Variants in CDH13 observed in about 807,000 individuals in gnomAD.
CDH13 encodes cadherin 13, also known as cadherin-13.
A neutral mutation model predicts 63.8 loss-of-function variants in CDH13; 24 were observed. The observed-to-expected ratio is 0.38, with a 90% CI of 0.27 to 0.53. The LOEUF (loss-of-function observed/expected upper bound fraction) is 0.53. Ranked by LOEUF, CDH13 falls within the 20% of genes least tolerant of loss-of-function variation. CDH13 has a pLI of 0.85. For synonymous variants in CDH13, 503 were observed against 355.3 expected, an observed-to-expected ratio of 1.42 and a Z score of -4.67; for missense variants, 1,049 against 903.1, an observed-to-expected ratio of 1.16 and a Z score of -2.07.
chr16:83,722,608 T>C (rs993994591), intron 10 of CDH13, among the ~76,000 whole-genome samples: 2 of 152,156 alleles, frequency 1.3e-5, no homozygotes, highest in African/African-American at 4.8e-5. Context: ...TAGCCAGAGG[T>C]AAGTGAAATC....
At chr16:82,816,131 C>T (rs1007246040) in intron 1 of CDH13, among the ~76,000 whole-genome samples, 2 of 152,040 alleles carry the variant, frequency 1.3e-5, no homozygotes, top group African/African-American at 4.8e-5. Context: ...AGGACAGCTC[C>T]CCCAGTGACC....
At chr16:83,193,496 C>T (rs1420372870) in intron 4 of CDH13, among the ~76,000 whole-genome samples, 1 of 152,136 alleles carries the variant, frequency 6.6e-6, no homozygotes, top group Non-Finnish European at 1.5e-5. Flanking sequence ...CAGAGCAGAA[C>T]CTAGGTTCTC....
At chr16:82,806,118 C>T (rs778466525) in intron 1 of CDH13, among the ~76,000 whole-genome samples, 1 of 152,122 alleles carries the variant, frequency 6.6e-6, no homozygotes, top group Non-Finnish European at 1.5e-5. Context: ...ATTGAGTTTG[C>T]CAGCCTTCTC....
At chr16:82,865,696 T>C (rs1484283420) in intron 2 of CDH13, among the ~76,000 whole-genome samples, 1 of 152,180 alleles carries the variant, frequency 6.6e-6, no homozygotes, top group East Asian at 1.9e-4. Context: ...CCTGGAGACA[T>C]CTCCCTCTTA....
In CDH13 at chr16:83,497,272, C is replaced by G. The variant is rs560376290; in HGVS notation, c.960+10617C>G. On this transcript the variant is annotated intron_variant, in intron 7 of 13. Coordinates refer to ENST00000567109, the MANE Select transcript of CDH13 (RefSeq NM_001257.5). The stretch of plus-strand genomic sequence containing the variant: ...ACTTGGAACCAACCCAAATGTCCAA[C>G]AATGATAGACTGGATTAAGAAAATG... 2.6e-5 allele frequency among the ~76,000 whole-genome samples: 4 copies of G among 151,912 alleles called. No individual in the cohort carries two copies. In the South Asian group the frequency reaches 8.3e-4, roughly 32 times the overall value.
intron 1 of CDH13, among the ~76,000 whole-genome samples, chr16:82,689,988 A>G (rs1597330946): frequency 9.5e-6 from 1 of 105,468 alleles, no homozygotes; most frequent in South Asian, 3.3e-4. Flanking sequence ...CTACTAAAAA[A>G]AAAAAAAAAA....
At chr16:83,647,198 T>C (rs1911908351) in intron 8 of CDH13, among the ~76,000 whole-genome samples, 2 of 151,338 alleles carry the variant, frequency 1.3e-5, no homozygotes, top group South Asian at 2.1e-4. Context: ...TAGTCCCAGC[T>C]ACTCGGGAGG....
chr16:83,719,563 G>A (rs988812072), intron 10 of CDH13, among the ~76,000 whole-genome samples: 11 of 152,296 alleles, frequency 7.2e-5, no homozygotes, highest in African/African-American at 2.6e-4. Context: ...GTTCGCTTAT[G>A]AGGATGTACT....
At chr16:83,172,212 C>A (rs9934143) in intron 4 of CDH13, among the ~76,000 whole-genome samples, 15,077 of 152,014 alleles carry the variant, frequency 0.099, 962 homozygotes, top group Middle Eastern at 0.16. Flanking sequence ...GGCAGATGGC[C>A]GGGTACGGTG....
chr16:83,034,025 G>A (rs1191092801), intron 3 of CDH13, among the ~76,000 whole-genome samples: 1 of 152,096 alleles, frequency 6.6e-6, no homozygotes, highest in Non-Finnish European at 1.5e-5. Flanking sequence ...AGCAGAGACA[G>A]TACAACTGGC....
At chr16:83,738,261 T>A (rs1258949778) in intron 10 of CDH13, among the ~76,000 whole-genome samples, 2 of 152,180 alleles carry the variant, frequency 1.3e-5, no homozygotes, top group African/African-American at 4.8e-5. Flanking sequence ...CCAAGCGCGG[T>A]GCCTGGCATG....
chr16:83,136,315 C>G lies in CDH13; in HGVS notation c.483+10814C>G, dbSNP rs566861982. 1.8e-3 allele frequency among the ~76,000 whole-genome samples: 276 copies of G among 151,830 alleles called. 1 individual carries two copies. Among genetic ancestry groups the G allele is most frequent in the African/African-American group, 5.6e-3 (230 of 41,398 alleles). ...TGGCTAACATGGTGAAACCCTGTCT[C>G]TACTAAAAAATACAACAAAAATTAG... On this transcript the variant is annotated intron_variant, in intron 4 of 13. Coordinates refer to ENST00000567109, the MANE Select transcript of CDH13 (RefSeq NM_001257.5).
intron 10 of CDH13, among the ~76,000 whole-genome samples, chr16:83,690,416 C>G (rs541613409): frequency 3.8e-4 from 58 of 152,164 alleles, no homozygotes; most frequent in African/African-American, 1.3e-3. Context: ...ACAGCTATCC[C>G]GGGTGGAGAG....
chr16:83,283,670 A>G (rs999993626), intron 5 of CDH13, among the ~76,000 whole-genome samples: 5 of 152,140 alleles, frequency 3.3e-5, no homozygotes, highest in Admixed American at 2.6e-4. Context: ...GTGTTCTTAC[A>G]GTGGTGCCTT....
At chr16:82,883,723 G>T (rs1374566992) in intron 2 of CDH13, among the ~76,000 whole-genome samples, 1 of 152,186 alleles carries the variant, frequency 6.6e-6, no homozygotes. Context: ...GAATGGAGCA[G>T]CCTCTAATAT....
chr16:82,791,358 C>T (rs2036296446), intron 1 of CDH13, among the ~76,000 whole-genome samples: 1 of 151,998 alleles, frequency 6.6e-6, no homozygotes, highest in Admixed American at 6.5e-5. Flanking sequence ...AGAGGGTTCA[C>T]TAAAATACAA....
Position 83,670,985 on chromosome 16 carries a change from C to G in CDH13, c.1284+13C>G. ...TTCTGTTGTCAAAGTAAGGGTGCTTCCAATTGCCTCTTTCTCCTCATGCGA... is the reference window on the plus strand; with the variant it reads ...TTCTGTTGTCAAAGTAAGGGTGCTTGCAATTGCCTCTTTCTCCTCATGCGA... On this transcript the variant is annotated intron_variant, in intron 9 of 13. Coordinates refer to ENST00000567109, the MANE Select transcript of CDH13 (RefSeq NM_001257.5). 2 of 1,569,790 alleles carry G rather than the reference C, an allele frequency of 1.3e-6. No individual in the cohort carries two copies. The highest frequency in any genetic ancestry group is 1.7e-6 in the Non-Finnish European group (2 of 1,155,558).
chr16:83,248,753 G>A (rs958567110), intron 5 of CDH13, among the ~76,000 whole-genome samples: 2 of 151,780 alleles, frequency 1.3e-5, no homozygotes, highest in Non-Finnish European at 2.9e-5. Context: ...TTCTCATTAT[G>A]TTCCCTCACA....
At chr16:82,948,531 A>C (rs1904973878) in intron 2 of CDH13, among the ~76,000 whole-genome samples, 1 of 152,204 alleles carries the variant, frequency 6.6e-6, no homozygotes, top group Non-Finnish European at 1.5e-5. Context: ...ATTTGGGAAC[A>C]ATCAAAAGAT....
Sources: gnomAD v4.1 joint callset for allele counts (sites outside exome capture counted in the v4.1 genomes callset) on GRCh38, gnomAD v4.1.1 for gene constraint, MANE v1.5 for transcripts, NCBI Gene and HGNC (gene_info 2026-07-23, HGNC 2026-07-21) for gene names.